Variants in FAT2 observed in about 807,000 individuals in gnomAD.
FAT2 encodes the protein protocadherin Fat 2.
FAT2 carries 150 observed loss-of-function variants against 295.3 expected under a neutral mutation model. The ratio of observed to expected loss-of-function variants is 0.51; its 90% CI spans 0.44 to 0.58. The LOEUF is 0.58. Ranked by LOEUF, FAT2 falls within the 20% of genes least tolerant of loss-of-function variation. FAT2 has a pLI of 0.00. For synonymous variants in FAT2, 2,026 were observed against 2,150.3 expected (o/e 0.94, Z 1.60); for missense variants, 4,868 against 5,442.7 (o/e 0.89, Z 3.32).
At chr5:151,553,912 G>A (rs939179634) in intron 5 of FAT2, among the ~76,000 whole-genome samples, 4 of 152,226 alleles carry the variant, frequency 2.6e-5, no homozygotes, top group Non-Finnish European at 5.9e-5. Context: ...GGCTAGCAAT[G>A]AGACTGGGGT....
At chr5:151,539,778 C>G (rs1755910778) in intron 11 of FAT2, among the ~76,000 whole-genome samples, 1 of 152,236 alleles carries the variant, frequency 6.6e-6, no homozygotes, top group Admixed American at 6.5e-5. Flanking sequence ...TCTAGGAACA[C>G]AGCTCCTCTC....
Position 151,521,677 on chromosome 5 carries a change from G to A in FAT2, c.10916C>T (p.Thr3639Ile), listed in dbSNP as rs148380877. 1.2e-6 allele frequency: 2 copies of A among 1,614,002 alleles called. No homozygotes were observed. The highest frequency in any genetic ancestry group is 1.7e-6 in the Non-Finnish European group (2 of 1,180,032). ...QAMWMGFYQL[T>I]PEELVSDHWR... Reference sequence around the variant, plus strand: ...GTGGTCACTCACCAGCTCCTCGGGGGTGAGCTGGTAGAAGCCCATCCACAT... The same window carrying A: ...GTGGTCACTCACCAGCTCCTCGGGGATGAGCTGGTAGAAGCCCATCCACAT... The change falls in exon 19 of 24, where the codon ACC becomes ATC. Residue 3639 changes from threonine to isoleucine, a missense_variant. Physicochemically the swap from Thr to Ile is moderately conservative, Grantham distance 89 (BLOSUM62 -1). This residue lies in a region of FAT2 where 1,046 missense variants were observed against 1,210.1 expected (regional missense o/e 0.86). Transcript: ENST00000261800.
chr5:151,564,570 G>A (rs1399291978), intron 2 of FAT2, among the ~76,000 whole-genome samples: 1 of 152,182 alleles, frequency 6.6e-6, no homozygotes, highest in Non-Finnish European at 1.5e-5. Context: ...CTTGAAGGCA[G>A]TGATCTGCCT....
rs1406083137 is a variant in FAT2 at position 151,525,906 on chromosome 5, T to C, written c.10368A>G (p.Pro3456=). The C allele has an allele frequency of 1.9e-6, 3 of 1,614,204 alleles. No individual in the cohort carries two copies. The South Asian group carries it at 3.3e-5, about 18-fold the overall frequency. ...LQLILSDPDS[P]ENGPPYSFRI... Reference sequence around the variant, plus strand: ...GAAACGAGTAGGGGGGGCCATTCTCTGGAGAATCTGGGTCACTCAGGATCA... The same window carrying C: ...GAAACGAGTAGGGGGGGCCATTCTCCGGAGAATCTGGGTCACTCAGGATCA... Residue 3456 remains proline (P), a synonymous_variant, in exon 18 of 24, where the codon CCA becomes CCG. Transcript: ENST00000261800.
chr5:151,516,222 T>C (rs764501950), intron 20 of FAT2, among the ~76,000 whole-genome samples: 2 of 152,212 alleles, frequency 1.3e-5, no homozygotes, highest in Non-Finnish European at 2.9e-5. Flanking sequence ...TGTAAAATTG[T>C]AACTCCGGCT....
At chr5:151,561,118 G>A (rs1255050509) in intron 3 of FAT2, among the ~76,000 whole-genome samples, 2 of 152,232 alleles carry the variant, frequency 1.3e-5, no homozygotes, top group South Asian at 4.1e-4. Context: ...TGGAAAGTGT[G>A]TTAGGGTATC....
chr5:151,535,917 A>G (rs1755227349), intron 12 of FAT2, among the ~76,000 whole-genome samples: 2 of 152,238 alleles, frequency 1.3e-5, no homozygotes, highest in Admixed American at 1.3e-4. Context: ...GTGTGGTGTG[A>G]GAGCAGAGGA....
chr5:151,542,451 A>T lies in FAT2; in HGVS notation c.8676T>A (p.Val2892=), dbSNP rs1756245952. 6.2e-7 allele frequency: 1 copy of T among 1,614,170 alleles called. No individual in the cohort carries two copies. Among genetic ancestry groups the T allele is most frequent in the Non-Finnish European group, 8.5e-7 (1 of 1,180,034 alleles). The change falls in exon 10 of 24, where the codon GTT becomes GTA. Residue 2892 remains valine, a synonymous_variant. Transcript: ENST00000261800. ...QTIQLSSQAL[V]QVSITDENDN... is the part of the protein sequence containing the mutation. ...CATTCTCATCTGTAATGGAGACCTG[A>T]ACCAGGGCCTGAGAGGATAGCTGGA... is the stretch of plus-strand genomic sequence containing the variant.
rs116429917 is a variant in FAT2 at position 151,532,337 on chromosome 5, C to T, written c.9428-367G>A. Among the ~76,000 whole-genome samples, 166 of 152,096 alleles carry T rather than the reference C, an allele frequency of 1.1e-3. 1 individual carries two copies. Among genetic ancestry groups the T allele is most frequent in the African/African-American group, 3.8e-3 (158 of 41,480 alleles). On this transcript the variant is annotated intron_variant, in intron 13 of 23. Coordinates refer to ENST00000261800, the MANE Select transcript of FAT2 (RefSeq NM_001447.3). ...TGTATCTTGATTGTGGTGTTGGTTACAAGAATCTAAACATGGAATAATATT... is the reference window on the plus strand; with the variant it reads ...TGTATCTTGATTGTGGTGTTGGTTATAAGAATCTAAACATGGAATAATATT...
intron 2 of FAT2, 26 bp downstream of exon 2, chr5:151,565,647 A>AGGCCC: frequency 1.9e-4 from 271 of 1,460,624 alleles, no homozygotes; most frequent in Non-Finnish European, 2.2e-4. Context: ...TGGCCCTGGC[A>AGGCCC]CCCCACCCTA....
At position 151,542,433 on chromosome 5, in the gene FAT2, A is replaced by G; in HGVS notation, c.8694T>C (p.Asp2898=). The G allele has an allele frequency of 6.2e-7, 1 of 1,614,072 alleles. No individual in the cohort carries two copies. The highest frequency in any genetic ancestry group is 8.5e-7 in the Non-Finnish European group (1 of 1,180,006). The part of the protein sequence containing the change: ...SQALVQVSIT[D]ENDNAPRFAS... ...CAAATCGGGGAGCATTGTCATTCTC[A>G]TCTGTAATGGAGACCTGAACCAGGG... The change falls in exon 10 of 24, where the codon GAT becomes GAC. Residue 2898 remains aspartate, a synonymous_variant. Coordinates refer to ENST00000261800, the MANE Select transcript of FAT2 (RefSeq NM_001447.3).
At chr5:151,559,169 A>G (rs193129082) in intron 3 of FAT2, among the ~76,000 whole-genome samples, 2 of 152,300 alleles carry the variant, frequency 1.3e-5, no homozygotes, top group African/African-American at 2.4e-5. Flanking sequence ...AGTCATGGCA[A>G]TGGGAGTGTG....
At position 151,575,386 on chromosome 5, in the gene FAT2, C is replaced by G. The variant is rs2127655898; in HGVS notation, c.-20-6435G>C. On this transcript the variant is annotated intron_variant, in intron 1 of 23. Transcript: ENST00000261800. Reference sequence around the variant, plus strand: ...GAATTAAAAGTTAAGAAAGCGGGCTCTGGAATCAGACAGACCTAGTTTCAA... The same window carrying G: ...GAATTAAAAGTTAAGAAAGCGGGCTGTGGAATCAGACAGACCTAGTTTCAA... 2.0e-5 allele frequency among the ~76,000 whole-genome samples: 3 copies of G among 152,302 alleles called. No individual in the cohort carries two copies. In the East Asian group the frequency reaches 5.8e-4, roughly 29 times the overall value.
Position 151,506,784 on chromosome 5 carries a change from T to G in FAT2, c.12517+370A>C, listed in dbSNP as rs113368896. Reference sequence around the variant, plus strand: ...CAGGTCTGGCCCAAGGCTGCTGCACTTCCACACTGGGCAACCAGAAGCTTA... The same window carrying G: ...CAGGTCTGGCCCAAGGCTGCTGCACGTCCACACTGGGCAACCAGAAGCTTA... On this transcript the variant is annotated intron_variant, in intron 23 of 23. Coordinates refer to ENST00000261800, the MANE Select transcript of FAT2 (RefSeq NM_001447.3). 1.2e-3 allele frequency among the ~76,000 whole-genome samples: 189 copies of G among 152,334 alleles called. 2 individuals carry two copies. The highest frequency in any genetic ancestry group is 4.2e-3 in the African/African-American group (175 of 41,572).
chr5:151,536,510 C>T lies in FAT2; in HGVS notation c.9193+1283G>A, dbSNP rs780747114. ...TCTGTGCTGCCCATCTCCACACCCT[C>T]CCCTGCAGCAGCAGGGCAGGAATCC... On this transcript the variant is annotated intron_variant, in intron 12 of 23. Coordinates refer to ENST00000261800, the MANE Select transcript of FAT2 (RefSeq NM_001447.3). Among the ~76,000 whole-genome samples, 62 of 152,292 alleles carry T rather than the reference C, an allele frequency of 4.1e-4. 1 individual carries two copies. The highest frequency in any genetic ancestry group is 6.5e-4 in the Non-Finnish European group (44 of 68,016).
At chr5:151,558,610 A>T (rs902847407) in intron 3 of FAT2, among the ~76,000 whole-genome samples, 5 of 143,172 alleles carry the variant, frequency 3.5e-5, no homozygotes, top group Non-Finnish European at 7.7e-5. Flanking sequence ...AGACTCCTTT[A>T]AAAAAAAAAA....
chr5:151,544,166 AC>A lies in FAT2; in HGVS notation c.6960del (p.Lys2320AsnfsTer28). The stretch of plus-strand genomic sequence containing the variant: ...CCTGTGCTCCCATTGATCTGGAAGA[AC>A]TTGGAAACATCTGAGCCATCCTCCA... ...QIVEDGSDVS[K>X]FFQINGSTGE... is the part of the protein sequence containing the mutation. On this transcript the variant is annotated frameshift_variant, in exon 10 of 24. Transcript: ENST00000261800. LOFTEE classifies it high-confidence loss of function. 1.2e-6 allele frequency: 2 copies of A among 1,614,216 alleles called. No individual in the cohort carries two copies.
Position 151,534,631 on chromosome 5 carries a change from T to TG in FAT2, c.9204dup (p.Thr3069HisfsTer40). On this transcript the variant is annotated frameshift_variant, in exon 13 of 24. Coordinates refer to ENST00000261800, the MANE Select transcript of FAT2 (RefSeq NM_001447.3). LOFTEE classifies it high-confidence loss of function. Reference sequence around the variant, plus strand: ...CTTTCTCGGTCTAGGGCAGTGAGTGTGGTCAGCTCCCCTGGTCGGAGAAAT... The same window carrying TG: ...CTTTCTCGGTCTAGGGCAGTGAGTGTGGGTCAGCTCCCCTGGTCGGAGAAAT... 6.2e-7 allele frequency: 1 copy of TG among 1,609,536 alleles called. No individual in the cohort carries two copies. The highest frequency in any genetic ancestry group is 1.1e-5 in the South Asian group (1 of 90,926).
chr5:151,568,831 G>T lies in FAT2; in HGVS notation c.101C>A (p.Thr34Lys), dbSNP rs762319956. The T allele has an allele frequency of 6.2e-7, 1 of 1,614,122 alleles. No homozygotes were observed. The change falls in exon 2 of 24, where the codon ACA becomes AAA. Residue 34 changes from threonine (T) to lysine (K), a missense_variant. Thr to Lys is a moderately conservative substitution (Grantham distance 78, BLOSUM62 -1). Around this residue, in one of 5 missense-constraint regions of FAT2, gnomAD observed 3,297 missense variants for 3,669.4 expected, o/e 0.90. Transcript: ENST00000261800. Reference sequence around the variant, plus strand: ...GATGGTGGCATTGTAATGGGAGTGTGTGAAGTGCCAAGCAGAGGAGGAGAG... The same window carrying T: ...GATGGTGGCATTGTAATGGGAGTGTTTGAAGTGCCAAGCAGAGGAGGAGAG... ...GILSSSAWHF[T>K]HSHYNATIYE...
Sources: gnomAD v4.1 joint callset for allele counts (sites outside exome capture counted in the v4.1 genomes callset) on GRCh38, gnomAD v4.1.1 for gene constraint, gnomAD v4.1.1 regional missense constraint, MANE v1.5 for transcripts, NCBI Gene and HGNC (gene_info 2026-07-23, HGNC 2026-07-21) for gene names.